FAM83A: variants seen among roughly 807,000 people sequenced by gnomAD.
The protein encoded by FAM83A is scaffolding CK1 anchoring protein A.
In FAM83A, 21 loss-of-function variants were observed where a neutral mutation model predicts 24.4. The observed-to-expected ratio is 0.86, with a 90% CI of 0.61 to 1.24. The LOEUF (loss-of-function observed/expected upper bound fraction) is 1.24, where lower values mean the gene tolerates loss of function less well. Among genes scored for constraint, FAM83A ranks in the 50% most tolerant of loss-of-function variants. The pLI is 0.00. For synonymous variants in FAM83A, 270 were observed against 252.4 expected (o/e 1.07, Z -0.66); for missense variants, 617 against 579.8 (o/e 1.06, Z -0.66).
Position 123,209,870 on chromosome 8 carries a change from G to A in FAM83A, c.*2182G>A. On this transcript the variant is annotated 3_prime_UTR_variant, in exon 4 of 4. Transcript: ENST00000690554. This position sits in a 1 kb window ranked among gnomAD's most constrained non-coding sequence, Gnocchi z 4.7. ...GGTTAGGTCGGGGCTGCCCCGGCGAGTGGAGCATGAGCAGAACCGCCGAGG... is the reference window on the plus strand; with the variant it reads ...GGTTAGGTCGGGGCTGCCCCGGCGAATGGAGCATGAGCAGAACCGCCGAGG... 1 of 323,036 alleles carries A rather than the reference G, an allele frequency of 3.1e-6. No individual in the cohort carries two copies. The highest frequency in any genetic ancestry group is 5.9e-6 in the Non-Finnish European group (1 of 170,768). The allele number at this position is 323,036 out of a possible 1,614,324, so 20.0% of individuals were successfully genotyped here.
chr8:123,204,587 C>A (rs911833219), intron 3 of FAM83A, among the ~76,000 whole-genome samples: 7 of 149,936 alleles, frequency 4.7e-5, no homozygotes, highest in Non-Finnish European at 1.0e-4. Flanking sequence ...ATGGTGAAAC[C>A]CCGTCTCTAC....
At chr8:123,189,976 G>A (rs1387838361) in intron 1 of FAM83A, among the ~76,000 whole-genome samples, 1 of 152,142 alleles carries the variant, frequency 6.6e-6, no homozygotes, top group East Asian at 1.9e-4. Flanking sequence ...CTACAATCAT[G>A]TACGGAATAA....
chr8:123,189,208 C>A (rs1182052751), intron 1 of FAM83A, among the ~76,000 whole-genome samples: 1 of 152,182 alleles, frequency 6.6e-6, no homozygotes, highest in African/African-American at 2.4e-5. Context: ...ATGATCACAG[C>A]CTCATTATTA....
chr8:123,188,045 T>A (rs1823861486), intron 1 of FAM83A, among the ~76,000 whole-genome samples: 1 of 146,992 alleles, frequency 6.8e-6, no homozygotes, highest in Admixed American at 6.8e-5. Context: ...TTATTATTAT[T>A]TTTTTTTTTA....
At chr8:123,184,328 C>T (rs1362182634) in intron 1 of FAM83A, among the ~76,000 whole-genome samples, 1 of 152,114 alleles carries the variant, frequency 6.6e-6, no homozygotes, top group African/African-American at 2.4e-5. Context: ...GGGGCCACTC[C>T]GCTGGGCTCA....
chr8:123,200,746 G>A (rs1824320627), intron 3 of FAM83A, among the ~76,000 whole-genome samples: 1 of 152,132 alleles, frequency 6.6e-6, no homozygotes, highest in South Asian at 2.1e-4. Flanking sequence ...CTGAGGTCAG[G>A]AGTTCGAGGC....
intron 3 of FAM83A, among the ~76,000 whole-genome samples, chr8:123,197,061 A>G (rs946349452): frequency 6.6e-6 from 1 of 152,046 alleles, no homozygotes; most frequent in African/African-American, 2.4e-5. Flanking sequence ...CCAGTGGATG[A>G]GCTGTCTCTG....
At chr8:123,188,210 G>A (rs900785331) in intron 1 of FAM83A, among the ~76,000 whole-genome samples, 4 of 151,534 alleles carry the variant, frequency 2.6e-5, no homozygotes, top group African/African-American at 4.8e-5. Flanking sequence ...TGGCCGCATC[G>A]CTCCAATCTC....
intron 3 of FAM83A, among the ~76,000 whole-genome samples, chr8:123,204,228 C>T (rs1435815187): frequency 6.6e-6 from 1 of 151,940 alleles, no homozygotes; most frequent in Non-Finnish European, 1.5e-5. Context: ...GTCTGGGCAA[C>T]ATAGCAAGAT....
At chr8:123,207,437 T>A (rs1205227940) in exon 4 of FAM83A, 1 of 1,607,172 alleles carries the variant, frequency 6.2e-7, no homozygotes, top group Non-Finnish European at 8.5e-7. Context: ...TGTGTCCGCG[T>A]CTTCAGGGCC....
rs575452575 is a variant in FAM83A at position 123,208,637 on chromosome 8, G to A, written c.*949G>A. 35 of 985,502 alleles carry A rather than the reference G, an allele frequency of 3.6e-5. No individual in the cohort carries two copies. In the Admixed American group the frequency reaches 2.0e-3, roughly 57 times the overall value. 61.0% of individuals were successfully genotyped at this position (985,502 alleles called of 1,614,324 possible). On this transcript the variant is annotated 3_prime_UTR_variant, in exon 4 of 4. Transcript: ENST00000690554. The stretch of plus-strand genomic sequence containing the variant: ...ATTCACAGTGCCCCTCTTTGTTTCT[G>A]GGGTGGAACTAGGTCCTGAGGGCAC...
At chr8:123,205,390 G>C (rs955609842) in intron 3 of FAM83A, among the ~76,000 whole-genome samples, 1 of 152,194 alleles carries the variant, frequency 6.6e-6, no homozygotes, top group Non-Finnish European at 1.5e-5. Flanking sequence ...CTTGCCTCCT[G>C]TCCCGTGGCG....
At chr8:123,190,786 T>C (rs1823949072) in intron 1 of FAM83A, among the ~76,000 whole-genome samples, 1 of 152,198 alleles carries the variant, frequency 6.6e-6, no homozygotes, top group African/African-American at 2.4e-5. Flanking sequence ...ACTCTGTCTC[T>C]ACCTCCTGGC....
intron 3 of FAM83A, among the ~76,000 whole-genome samples, chr8:123,195,741 C>A (rs1824128240): frequency 6.6e-6 from 1 of 152,030 alleles, no homozygotes; most frequent in East Asian, 1.9e-4. Context: ...TATCTTTATC[C>A]CTTCATGGTA....
At chr8:123,193,724 G>A (rs1265503279) in intron 2 of FAM83A, among the ~76,000 whole-genome samples, 2 of 152,110 alleles carry the variant, frequency 1.3e-5, no homozygotes, top group Admixed American at 6.5e-5. Flanking sequence ...TGGCAGATTC[G>A]GCGTCTGGTG....
chr8:123,179,082 C>G (rs1036814145), upstream of FAM83A: 3 of 152,154 alleles, frequency 2.0e-5, no homozygotes, highest in Non-Finnish European at 4.4e-5. Context: ...TCTTTCTGGG[C>G]TACAGTTTTC....
chr8:123,182,532 C>A (rs1307614455), upstream of FAM83A: 2 of 537,416 alleles, frequency 3.7e-6, no homozygotes, highest in East Asian at 9.2e-5. Context: ...CTCACCTTCG[C>A]CTCCCCCTGC....
chr8:123,192,638 T>C lies in FAM83A; in HGVS notation c.648+668T>C, dbSNP rs943010252. ...TGATTGGTGGCCCTCAGAGTTCTTT[T>C]GATCAGTCTCCTCTAGTTCAGGCAA... is the stretch of plus-strand genomic sequence containing the variant. On this transcript the variant is annotated intron_variant, in intron 2 of 3. Transcript: ENST00000690554. Among the ~76,000 whole-genome samples the C allele has an allele frequency of 6.6e-5, 10 of 152,202 alleles. 1 individual carries two copies. Among genetic ancestry groups the C allele is most frequent in the Middle Eastern group, 6.3e-3 (2 of 316 alleles).
At chr8:123,190,978 G>A (rs1256098502) in intron 1 of FAM83A, among the ~76,000 whole-genome samples, 1 of 152,202 alleles carries the variant, frequency 6.6e-6, no homozygotes, top group Non-Finnish European at 1.5e-5. Context: ...CTTAGATCAT[G>A]TGACCACCTC....
Sources: allele counts gnomAD v4.1 joint callset (sites outside exome capture counted in the v4.1 genomes callset), GRCh38; gene constraint gnomAD v4.1.1; non-coding constraint Gnocchi (gnomAD v3.1); transcripts MANE v1.5; gene names NCBI Gene and HGNC (gene_info 2026-07-23, HGNC 2026-07-21).